Variants in C16orf74 observed in about 807,000 individuals in gnomAD.
The protein encoded by C16orf74 is calcimembrin, also known as uncharacterized protein C16orf74.
Under a neutral mutation model 6.5 loss-of-function variants are expected in C16orf74, and 10 were observed. That is an observed-to-expected ratio of 1.54 (90% CI 0.95 to 2.61). The LOEUF is 2.61. Ranked by LOEUF, C16orf74 falls within the 30% of genes most tolerant of loss-of-function variation. C16orf74 has a pLI of 0.00. For synonymous variants in C16orf74, 60 were observed against 42.5 expected (o/e 1.41, Z -1.60); for missense variants, 141 against 105.9 (o/e 1.33, Z -1.45).
intron 2 of C16orf74, 57 bp downstream of exon 2, chr16:85,735,133 C>G: frequency 6.5e-7 from 1 of 1,544,438 alleles, no homozygotes; most frequent in Non-Finnish European, 8.8e-7. Flanking sequence ...CTCCTGCCCC[C>G]CAACCCAGCA....
At chr16:85,736,027 C>T (rs902160995) in intron 1 of C16orf74, among the ~76,000 whole-genome samples, 5 of 152,136 alleles carry the variant, frequency 3.3e-5, no homozygotes, top group Non-Finnish European at 7.4e-5. Flanking sequence ...GACTCGAACC[C>T]AGGACTGTCC....
chr16:85,728,237 CGTGTGA>C (rs937313137), intron 2 of C16orf74, among the ~76,000 whole-genome samples: 8 of 152,054 alleles, frequency 5.3e-5, no homozygotes, highest in Non-Finnish European at 8.8e-5. Flanking sequence ...ACGAGTGGAC[CGTGTGA>C]GTGTAAGTTG....
At chr16:85,714,790 A>G (rs2152058400) in intron 2 of C16orf74, among the ~76,000 whole-genome samples, 1 of 151,980 alleles carries the variant, frequency 6.6e-6, no homozygotes, top group South Asian at 2.1e-4. Context: ...CAGAACTCCG[A>G]GCCCCTCAGC....
At chr16:85,713,177 G>T (rs1215351916) in intron 2 of C16orf74, among the ~76,000 whole-genome samples, 3 of 152,178 alleles carry the variant, frequency 2.0e-5, no homozygotes, top group Non-Finnish European at 2.9e-5. Context: ...GGTGGTTGCT[G>T]ACAATCTGGC....
At chr16:85,744,288 G>C (rs1205254876) in intron 1 of C16orf74, 2 of 151,568 alleles carry the variant, frequency 1.3e-5, no homozygotes, top group Middle Eastern at 3.4e-3. Flanking sequence ...GATTTAATGG[G>C]AGAAAAAAAG....
intron 1 of C16orf74, among the ~76,000 whole-genome samples, chr16:85,746,118 G>A (rs746814199): frequency 3.2e-4 from 48 of 152,236 alleles, no homozygotes; most frequent in Non-Finnish European, 5.6e-4. Flanking sequence ...AGGATGAGGC[G>A]GCAGGCAGAT....
At chr16:85,708,478 A>C (rs1415484677) in intron 3 of C16orf74, among the ~76,000 whole-genome samples, 1 of 152,178 alleles carries the variant, frequency 6.6e-6, no homozygotes, top group Admixed American at 6.5e-5. Flanking sequence ...ATTAGACAGT[A>C]CTGGGGTGCA....
At chr16:85,723,742 T>A (rs1367285105) in intron 2 of C16orf74, among the ~76,000 whole-genome samples, 1 of 152,232 alleles carries the variant, frequency 6.6e-6, no homozygotes, top group East Asian at 1.9e-4. Context: ...GGCGTGCACG[T>A]AGCCGTGCTG....
At chr16:85,728,225 T>TA (rs2054153571) in intron 2 of C16orf74, among the ~76,000 whole-genome samples, 1 of 152,202 alleles carries the variant, frequency 6.6e-6, no homozygotes, top group African/African-American at 2.4e-5. Context: ...TGGTTTGCTG[T>TA]AACGAGTGGA....
chr16:85,718,293 T>G (rs1222683783), intron 2 of C16orf74, among the ~76,000 whole-genome samples: 2 of 152,048 alleles, frequency 1.3e-5, no homozygotes, highest in African/African-American at 4.8e-5. Context: ...CTTGAACTCC[T>G]AGGCTCAAAC....
chr16:85,737,311 T>C (rs1371475880), intron 1 of C16orf74, among the ~76,000 whole-genome samples: 1 of 152,156 alleles, frequency 6.6e-6, no homozygotes, highest in Non-Finnish European at 1.5e-5. Context: ...TCTCAGGCCC[T>C]GAGCTGGCCC....
chr16:85,734,822 TG>T (rs1431482882), intron 2 of C16orf74, among the ~76,000 whole-genome samples: 3 of 152,164 alleles, frequency 2.0e-5, no homozygotes, highest in African/African-American at 7.2e-5. Context: ...ACCTCCTGTC[TG>T]GGTGATAACA....
intron 2 of C16orf74, among the ~76,000 whole-genome samples, chr16:85,711,813 G>A (rs1393453787): frequency 6.6e-6 from 1 of 152,068 alleles, no homozygotes; most frequent in Non-Finnish European, 1.5e-5. Flanking sequence ...TAAGGGGTTG[G>A]GGGAATATTT....
chr16:85,745,765 A>G (rs1474325484), intron 1 of C16orf74, among the ~76,000 whole-genome samples: 1 of 150,634 alleles, frequency 6.6e-6, no homozygotes, highest in African/African-American at 2.5e-5. Flanking sequence ...CAGAGACAGA[A>G]TCTCCCGCTG....
intron 2 of C16orf74, among the ~76,000 whole-genome samples, chr16:85,724,851 G>C (rs974716211): frequency 6.6e-6 from 1 of 152,190 alleles, no homozygotes; most frequent in African/African-American, 2.4e-5. Flanking sequence ...CAAAAAGACA[G>C]CGTGGTTCCT....
At chr16:85,725,433 C>A (rs1025001542) in intron 2 of C16orf74, among the ~76,000 whole-genome samples, 1 of 152,222 alleles carries the variant, frequency 6.6e-6, no homozygotes, top group African/African-American at 2.4e-5. Flanking sequence ...CCTAGGAGGC[C>A]TCCTAGAGCA....
intron 1 of C16orf74, among the ~76,000 whole-genome samples, chr16:85,738,659 C>T (rs1318231873): frequency 6.6e-6 from 1 of 151,698 alleles, no homozygotes; most frequent in Non-Finnish European, 1.5e-5. Context: ...AAGCTCCCTG[C>T]AGGACTCTCA....
intron 1 of C16orf74, among the ~76,000 whole-genome samples, chr16:85,750,657 T>C (rs1308735304): frequency 6.6e-6 from 1 of 152,084 alleles, no homozygotes; most frequent in Non-Finnish European, 1.5e-5. Context: ...GCCAGAGGCT[T>C]CCGCGCGGGG....
chr16:85,707,812 G>T lies in C16orf74; in HGVS notation c.*196C>A. ...TCAGAGGTCCGGTCCACTCAGCGGGGCCTGGGAAACACTGTTCTGGAAGTG... is the reference window on the plus strand; with the variant it reads ...TCAGAGGTCCGGTCCACTCAGCGGGTCCTGGGAAACACTGTTCTGGAAGTG... On this transcript the variant is annotated 3_prime_UTR_variant, in exon 4 of 4. Transcript: ENST00000284245. 1.7e-6 allele frequency: 1 copy of T among 589,532 alleles called. No homozygotes were observed. Among genetic ancestry groups the T allele is most frequent in the Non-Finnish European group, 3.0e-6 (1 of 331,316 alleles). The allele number at this position is 589,532 out of a possible 1,614,324, so 36.5% of individuals were successfully genotyped here.
Sources: allele counts gnomAD v4.1 joint callset (sites outside exome capture counted in the v4.1 genomes callset), GRCh38; gene constraint gnomAD v4.1.1; transcripts MANE v1.5; gene names NCBI Gene and HGNC (gene_info 2026-07-23, HGNC 2026-07-21).